The following MEGF8 variants were observed in gnomAD, a reference collection of about 807,000 sequenced individuals.
MEGF8 encodes multiple epidermal growth factor-like domains protein 8.
MEGF8 carries 156 observed loss-of-function variants against 302.9 expected under a neutral mutation model. The ratio of observed to expected loss-of-function variants is 0.52; its 90% CI spans 0.45 to 0.59. MEGF8 has a LOEUF of 0.59. MEGF8 is among the 20% of genes least tolerant of loss of function. MEGF8 has a pLI of 0.00. For synonymous variants in MEGF8, 1,621 were observed against 1,660.5 expected (o/e 0.98, Z 0.58); for missense variants, 3,345 against 3,964.5 (o/e 0.84, Z 4.20).
chr19:42,363,408 G>A (rs1029397566), intron 35 of MEGF8, 146 bp downstream of exon 35: 26 of 725,054 alleles, frequency 3.6e-5, no homozygotes, highest in Admixed American at 7.4e-5. Flanking sequence ...CTTCCTTCTC[G>A]TGCCACCATC....
intron 1 of MEGF8, among the ~76,000 whole-genome samples, chr19:42,332,354 G>A (rs925355524): frequency 6.6e-6 from 1 of 152,064 alleles, no homozygotes; most frequent in African/African-American, 2.4e-5. Flanking sequence ...GCCTTTTCTT[G>A]TGGCTTTGGC....
intron 40 of MEGF8, 33 bp from the exon 41 acceptor site, chr19:42,371,317 T>G: frequency 6.2e-7 from 1 of 1,611,394 alleles, no homozygotes; most frequent in East Asian, 2.2e-5. Context: ...CTGCAGGCCA[T>G]GGGGGCTCCG....
chr19:42,363,431 C>T (rs750482330), intron 35 of MEGF8, among the ~76,000 whole-genome samples, 169 bp downstream of exon 35: 22 of 152,264 alleles, frequency 1.4e-4, no homozygotes, highest in Non-Finnish European at 2.5e-4. Context: ...TTTCCTCCCT[C>T]GTTGCCTCAT....
intron 14 of MEGF8, 35 bp downstream of exon 14, chr19:42,349,734 C>T: frequency 6.3e-7 from 1 of 1,593,550 alleles, no homozygotes. Flanking sequence ...ACCCTAGCCG[C>T]AGGCCCCAGC....
chr19:42,365,670 G>GCTGA (rs1477465658), intron 35 of MEGF8, among the ~76,000 whole-genome samples: 1 of 151,324 alleles, frequency 6.6e-6, no homozygotes, highest in Non-Finnish European at 1.5e-5. Context: ...TACTTGGGAG[G>GCTGA]CTGAGGTGGG....
At chr19:42,332,743 T>C (rs1382891984) in intron 1 of MEGF8, among the ~76,000 whole-genome samples, 1 of 152,236 alleles carries the variant, frequency 6.6e-6, no homozygotes, top group Non-Finnish European at 1.5e-5. Context: ...AGTACAAGTC[T>C]TCTTATGATC....
chr19:42,353,039 G>A lies in MEGF8; in HGVS notation c.3462G>A (p.Pro1154=), dbSNP rs778729903. Residue 1154 remains proline (P), a synonymous_variant, in exon 20 of 42, where the codon CCG becomes CCA. Coordinates refer to ENST00000251268, the MANE Select transcript of MEGF8 (RefSeq NM_001271938.2). This position sits in a 1 kb window ranked among gnomAD's most constrained non-coding sequence, Gnocchi z 6.1. ...DLPPPTPAPG[P]PAPRCSRDCG... ...CCCCTCCCACACCCGCCCCGGGTCC[G>A]CCAGCCCCCCGCTGCTCCCGGGACT... is the stretch of plus-strand genomic sequence containing the variant. 10 of 1,554,298 alleles carry A rather than the reference G, an allele frequency of 6.4e-6. No homozygotes were observed. Among genetic ancestry groups the A allele is most frequent in the South Asian group, 4.7e-5 (4 of 84,266 alleles).
At position 42,359,162 on chromosome 19, in the gene MEGF8, G is replaced by A. The variant is rs777401427; in HGVS notation, c.5408G>A (p.Arg1803His). 1.1e-5 allele frequency: 17 copies of A among 1,599,872 alleles called. No individual in the cohort carries two copies. Among genetic ancestry groups the A allele is most frequent in the Admixed American group, 1.7e-5 (1 of 58,050 alleles). Residue 1803 changes from arginine (R) to histidine (H), a missense_variant, in exon 31 of 42, where the codon CGC (arginine) becomes CAC (histidine). Arg to His is a conservative substitution (Grantham distance 29). Transcript: ENST00000251268. Reference sequence around the variant, plus strand: ...GACACCATGGTGGTTCTTGGGGGGCGCTCGGACCCTGACGAGTTCAGCAGC... The same window carrying A: ...GACACCATGGTGGTTCTTGGGGGGCACTCGGACCCTGACGAGTTCAGCAGC... ...LGDTMVVLGG[R>H]SDPDEFSSDV...
rs913420234 is a variant in MEGF8 at position 42,357,429 on chromosome 19, C to T, written c.4856C>T (p.Ala1619Val). The T allele has an allele frequency of 3.7e-6, 6 of 1,613,512 alleles. No individual in the cohort carries two copies. The African/African-American group carries it at 5.3e-5, about 14-fold the overall frequency. Residue 1619 changes from alanine to valine, a missense_variant, in exon 28 of 42, where the codon GCC becomes GTC. By Grantham distance (64) the Ala-to-Val change is moderately conservative. Coordinates refer to ENST00000251268, the MANE Select transcript of MEGF8 (RefSeq NM_001271938.2). The surrounding 1 kb of genome is among the most constrained non-coding windows in gnomAD (Gnocchi z 5.2). ...EKAPQTVELPAVAGHTLTARR... is the reference protein window; with the variant it reads ...EKAPQTVELPVVAGHTLTARR... ...GCCCCCCAGACCGTGGAGCTGCCAG[C>T]CGTTGCTGGTCACACCCTTACTGCC...
intron 8 of MEGF8, among the ~76,000 whole-genome samples, chr19:42,340,396 A>G (rs1252759120): frequency 6.6e-6 from 1 of 151,940 alleles, no homozygotes; most frequent in Non-Finnish European, 1.5e-5. Context: ...CACCCGGCTA[A>G]TTTTTGTATT....
chr19:42,359,853 A>ATTTTTTT (rs891961465), intron 31 of MEGF8, among the ~76,000 whole-genome samples: 1 of 125,406 alleles, frequency 8.0e-6, no homozygotes, highest in African/African-American at 3.1e-5. Flanking sequence ...CGCCTGGATA[A>ATTTTTTT]TTTTTTTTTT....
At position 42,353,268 on chromosome 19, in the gene MEGF8, C is replaced by CA. The variant is rs2039402908; in HGVS notation, c.3550+144dup. ...CCCTGCCCCATTCCTGTTCCTGACT[C>CA]AAACAGGTTTCAGTGCCACCCGTCA... On this transcript the variant is annotated intron_variant, in intron 20 of 41. Transcript: ENST00000251268. This position sits in a 1 kb window ranked among gnomAD's most constrained non-coding sequence, Gnocchi z 6.1. 4.8e-6 allele frequency: 5 copies of CA among 1,038,266 alleles called. No homozygotes were observed. In the African/African-American group the frequency reaches 4.9e-5, roughly 10 times the overall value. The allele number at this position is 1,038,266 out of a possible 1,614,324, so 64.3% of individuals were successfully genotyped here. A position where few individuals can be genotyped will look rare whatever the true frequency, so the allele number is the denominator to read the frequency against.
In MEGF8 at chr19:42,355,957, G is replaced by GTGTCC; in HGVS notation, c.4347_4351dup (p.Glu1451ValfsTer96). 1 of 1,611,902 alleles carries GTGTCC rather than the reference G, an allele frequency of 6.2e-7. No homozygotes were observed. The highest frequency in any genetic ancestry group is 8.5e-7 in the Non-Finnish European group (1 of 1,179,482). The stretch of plus-strand genomic sequence containing the variant: ...CTGGCCCACACTGCCGCATGGCTCT[G>GTGTCC]TGTCCTGAGAACTGCAATGCCCACA... On this transcript the variant is annotated frameshift_variant, in exon 24 of 42. Transcript: ENST00000251268. LOFTEE classifies it high-confidence loss of function.
At position 42,370,993 on chromosome 19, in the gene MEGF8, T is replaced by A. The variant is rs1347073174; in HGVS notation, c.7136+162T>A. 2.7e-5 allele frequency among the ~76,000 whole-genome samples: 4 copies of A among 148,206 alleles called. No individual in the cohort carries two copies. In the East Asian group the frequency reaches 8.0e-4, roughly 30 times the overall value. On this transcript the variant is annotated intron_variant, in intron 40 of 41. Transcript: ENST00000251268. ...GGGAGCGCCCAGGCTGGGGTCAGGG[T>A]AGGGAAGGAGCTGGAATGTGATGCC...
Position 42,335,221 on chromosome 19 carries a change from C to T in MEGF8, c.739+6C>T. The T allele has an allele frequency of 1.2e-6, 2 of 1,614,030 alleles. No individual in the cohort carries two copies. Among genetic ancestry groups the T allele is most frequent in the South Asian group, 1.1e-5 (1 of 91,090 alleles). ...GCTGCTGGCAGTTTTCGGAGGTGAG[C>T]AGATGGGGCGAGTATCTGGGATCTG... On this transcript the variant is annotated splice_donor_region_variant and intron_variant, in intron 4 of 41. Transcript: ENST00000251268.
At chr19:42,331,307 G>T (rs2039051453) in intron 1 of MEGF8, among the ~76,000 whole-genome samples, 1 of 152,190 alleles carries the variant, frequency 6.6e-6, no homozygotes, top group East Asian at 1.9e-4. Flanking sequence ...CCAGGATCCA[G>T]ATAGGCACAC....
chr19:42,342,214 A>G (rs577214866), intron 8 of MEGF8, among the ~76,000 whole-genome samples: 1 of 152,348 alleles, frequency 6.6e-6, no homozygotes, highest in East Asian at 1.9e-4. Context: ...ACCTGGGCCA[A>G]GTCCCACACG....
chr19:42,370,916 C>T (rs2039682436), intron 40 of MEGF8, 85 bp downstream of exon 40: 3 of 564,546 alleles, frequency 5.3e-6, no homozygotes, highest in Non-Finnish European at 9.7e-6. Flanking sequence ...GCTCTGGAGC[C>T]AGGCCCCCTC....
In MEGF8 at chr19:42,353,467, T is replaced by C; in HGVS notation, c.3553T>C (p.Trp1185Arg). 1.9e-6 allele frequency: 3 copies of C among 1,610,352 alleles called. No homozygotes were observed. Among genetic ancestry groups the C allele is most frequent in the Non-Finnish European group, 2.5e-6 (3 of 1,179,406 alleles). Residue 1185 changes from tryptophan (W) to arginine (R), a missense_variant and splice_region_variant, in exon 21 of 42, where the codon TGG becomes CGG. Coordinates refer to ENST00000251268, the MANE Select transcript of MEGF8 (RefSeq NM_001271938.2). The surrounding 1 kb of genome is among the most constrained non-coding windows in gnomAD (Gnocchi z 6.1). The stretch of plus-strand genomic sequence containing the variant: ...CCCACCTGCTGGGGCCTCCACAGAC[T>C]GGACATGGGGGGAGCACTGCGAACG... ...GPGFCDECQD[W>R]TWGEHCERCR...
Sources: allele counts gnomAD v4.1 joint callset (sites outside exome capture counted in the v4.1 genomes callset), GRCh38; gene constraint gnomAD v4.1.1; non-coding constraint Gnocchi (gnomAD v3.1); transcripts MANE v1.5; gene names NCBI Gene and HGNC (gene_info 2026-07-23, HGNC 2026-07-21).